ARHGEF26: variants seen among roughly 807,000 people sequenced by gnomAD.
ARHGEF26 encodes the protein Rho guanine nucleotide exchange factor 26, also known as Rho guanine nucleotide exchange factor (GEF) 26.
In ARHGEF26, 59 loss-of-function variants were observed where a neutral mutation model predicts 89.4. That is an observed-to-expected ratio of 0.66 (90% confidence interval 0.54 to 0.82). The LOEUF (loss-of-function observed/expected upper bound fraction) is 0.82, where lower values mean the gene tolerates loss of function less well. ARHGEF26 is among the 40% of genes least tolerant of loss of function. The pLI is 0.00. For synonymous variants in ARHGEF26, 500 were observed against 428.4 expected, an observed-to-expected ratio of 1.17 and a Z score of -2.06; for missense variants, 1,234 against 1,085.6, an observed-to-expected ratio of 1.14 and a Z score of -1.92.
At chr3:154,146,348 G>A (rs1427023893) in intron 4 of ARHGEF26, among the ~76,000 whole-genome samples, 1 of 152,172 alleles carries the variant, frequency 6.6e-6, no homozygotes, top group East Asian at 1.9e-4. Flanking sequence ...TTCAATATAT[G>A]AATTTGGGAG....
intron 9 of ARHGEF26, among the ~76,000 whole-genome samples, chr3:154,200,147 T>C (rs1034671329): frequency 5.3e-5 from 8 of 152,168 alleles, no homozygotes; most frequent in African/African-American, 1.9e-4. Flanking sequence ...ACCAATGTGC[T>C]GGAGATTCTC....
chr3:154,177,273 A>G (rs901318316), intron 6 of ARHGEF26, among the ~76,000 whole-genome samples: 11 of 152,190 alleles, frequency 7.2e-5, no homozygotes, highest in African/African-American at 2.7e-4. Flanking sequence ...AGATTTTGGG[A>G]TATGAAACAT....
intron 12 of ARHGEF26, among the ~76,000 whole-genome samples, chr3:154,242,545 A>C (rs943311727): frequency 6.6e-6 from 1 of 152,236 alleles, no homozygotes; most frequent in African/African-American, 2.4e-5. Flanking sequence ...GAGCAAAGAA[A>C]GTGAAGTTGC....
intron 9 of ARHGEF26, among the ~76,000 whole-genome samples, chr3:154,195,124 C>G (rs960378687): frequency 6.6e-6 from 1 of 152,074 alleles, no homozygotes; most frequent in African/African-American, 2.4e-5. Flanking sequence ...AACAGAGTTA[C>G]AATGAAGGGT....
chr3:154,129,995 G>T (rs779708457), intron 4 of ARHGEF26, among the ~76,000 whole-genome samples: 36 of 152,050 alleles, frequency 2.4e-4, no homozygotes, highest in Non-Finnish European at 5.0e-4. Context: ...CTCTCTTTTT[G>T]TTAAATATAG....
intron 4 of ARHGEF26, among the ~76,000 whole-genome samples, chr3:154,139,419 ATTTC>A (rs1719221539): frequency 6.6e-6 from 1 of 152,140 alleles, no homozygotes; most frequent in Non-Finnish European, 1.5e-5. Flanking sequence ...TCAACTAGCT[ATTTC>A]TTTTGGGGAG....
intron 9 of ARHGEF26, among the ~76,000 whole-genome samples, chr3:154,210,576 A>G (rs1715299803): frequency 6.6e-6 from 1 of 151,486 alleles, no homozygotes; most frequent in Non-Finnish European, 1.5e-5. Flanking sequence ...CGGCCTCCCA[A>G]AATGCTGGGA....
intron 9 of ARHGEF26, among the ~76,000 whole-genome samples, chr3:154,216,483 TTTTTTTTTATTTTTTTTTATTTTTTA>T (rs1300938290): frequency 7.1e-5 from 2 of 28,038 alleles, no homozygotes; most frequent in East Asian, 0.067. Flanking sequence ...CACTTGTTTT[TTTTTTTTTATTTTTTTTTATTTTTTA>T]TTTTTTTTTT....
intron 10 of ARHGEF26, among the ~76,000 whole-genome samples, chr3:154,219,581 C>T (rs2108250057): frequency 6.8e-6 from 1 of 146,580 alleles, no homozygotes; most frequent in African/African-American, 2.5e-5. Context: ...GGCAAAAGAG[C>T]AAGACTCTTA....
At chr3:154,216,156 T>G (rs1715713966) in intron 9 of ARHGEF26, among the ~76,000 whole-genome samples, 1 of 152,068 alleles carries the variant, frequency 6.6e-6, no homozygotes, top group Non-Finnish European at 1.5e-5. Context: ...GTTTATATTA[T>G]TAAAAATAAA....
chr3:154,209,689 C>T (rs1715244779), intron 9 of ARHGEF26, among the ~76,000 whole-genome samples: 1 of 152,162 alleles, frequency 6.6e-6, no homozygotes, highest in Non-Finnish European at 1.5e-5. Flanking sequence ...TATGATTGCG[C>T]CGGGTAAGAC....
In ARHGEF26 at chr3:154,256,692, A is replaced by T. The variant is rs1718534319; in HGVS notation, c.*1219A>T. ...GAAATTAGCTGGAACACACTACAGT[A>T]ATCTCAAGGAAGGGAAAATTAGGCC... On this transcript the variant is annotated 3_prime_UTR_variant, in exon 15 of 15. Coordinates refer to ENST00000465093, the MANE Select transcript of ARHGEF26 (RefSeq NM_015595.4). 1 of 1,317,466 alleles carries T rather than the reference A, an allele frequency of 7.6e-7. No individual in the cohort carries two copies. The allele number at this position is 1,317,466 out of a possible 1,614,324, so 81.6% of individuals were successfully genotyped here.
intron 9 of ARHGEF26, among the ~76,000 whole-genome samples, chr3:154,210,002 CGGG>C (rs1252317738): frequency 6.6e-6 from 1 of 152,182 alleles, no homozygotes; most frequent in Non-Finnish European, 1.5e-5. Context: ...TTTCCAAAGA[CGGG>C]AGCCTCTCTT....
At chr3:154,144,109 A>G (rs889659909) in intron 4 of ARHGEF26, among the ~76,000 whole-genome samples, 7 of 152,158 alleles carry the variant, frequency 4.6e-5, no homozygotes, top group Non-Finnish European at 8.8e-5. Flanking sequence ...GAAGCCAATG[A>G]GAGATGTTGT....
chr3:154,220,642 C>T (rs79829520), intron 10 of ARHGEF26, among the ~76,000 whole-genome samples: 13 of 152,100 alleles, frequency 8.5e-5, no homozygotes, highest in African/African-American at 3.1e-4. Context: ...TGCGGACAGC[C>T]CTGTGTACCA....
intron 11 of ARHGEF26, among the ~76,000 whole-genome samples, chr3:154,239,297 A>AGTGT (rs1717337753): frequency 3.8e-5 from 2 of 53,018 alleles, no homozygotes; most frequent in Non-Finnish European, 8.1e-5. Flanking sequence ...AGAGAGAGAG[A>AGTGT]GAGTGTGTGT....
At position 154,250,550 on chromosome 3, in the gene ARHGEF26, T is replaced by C. The variant is rs146414386; in HGVS notation, c.2301-2566T>C. Among the ~76,000 whole-genome samples, 480 of 152,294 alleles carry C rather than the reference T, an allele frequency of 3.2e-3. 1 individual carries two copies. The highest frequency in any genetic ancestry group is 0.011 in the African/African-American group (447 of 41,564). On this transcript the variant is annotated intron_variant, in intron 12 of 14. Transcript: ENST00000465093. ...CATGCCACAGAAGTGAAAGATTTCATCTGGACTTCTGGAAACTGGCTGTAG... is the reference window on the plus strand; with the variant it reads ...CATGCCACAGAAGTGAAAGATTTCACCTGGACTTCTGGAAACTGGCTGTAG...
chr3:154,237,366 A>T (rs1284087943), intron 11 of ARHGEF26, among the ~76,000 whole-genome samples: 2 of 151,984 alleles, frequency 1.3e-5, no homozygotes, highest in Admixed American at 6.6e-5. Flanking sequence ...ACATGGTGAA[A>T]CCCTGTCTCT....
At chr3:154,179,167 G>C (rs1464338399) in intron 6 of ARHGEF26, among the ~76,000 whole-genome samples, 1 of 152,114 alleles carries the variant, frequency 6.6e-6, no homozygotes, top group Middle Eastern at 3.4e-3. Context: ...ATAGCCATAC[G>C]TTTCTTGCTT....
Sources: gnomAD v4.1 joint callset for allele counts (sites outside exome capture counted in the v4.1 genomes callset) on GRCh38, gnomAD v4.1.1 for gene constraint, MANE v1.5 for transcripts, NCBI Gene and HGNC (gene_info 2026-07-23, HGNC 2026-07-21) for gene names.